ROBO1: variants seen among roughly 807,000 people sequenced by gnomAD.
The protein encoded by ROBO1 is roundabout homolog 1.
ROBO1 carries 149 observed loss-of-function variants against 195.9 expected under a neutral mutation model. The observed-to-expected ratio is 0.76, with a 90% CI of 0.67 to 0.87. The LOEUF is 0.87. Among genes scored for constraint, ROBO1 ranks in the 40% least tolerant of loss-of-function variants. The pLI, the probability that ROBO1 is intolerant of heterozygous loss-of-function variation, is 0.00. For missense variants in ROBO1, 1,933 were observed against 2,068.3 expected (o/e 0.93, Z 1.27); for synonymous variants, 816 against 733.2 (o/e 1.11, Z -1.82).
At chr3:79,202,485 G>A (rs577499116) in intron 2 of ROBO1, among the ~76,000 whole-genome samples, 39 of 151,584 alleles carry the variant, frequency 2.6e-4, no homozygotes, top group African/African-American at 9.0e-4. Context: ...ATTCATCAGC[G>A]ATCGTGAACA....
At chr3:79,766,316 CTT>C (rs1315423800) in intron 1 of ROBO1, among the ~76,000 whole-genome samples, 1 of 151,560 alleles carries the variant, frequency 6.6e-6, no homozygotes, top group Non-Finnish European at 1.5e-5. Flanking sequence ...CCTTCGTGTC[CTT>C]TTTTCTTGGG....
chr3:79,530,221 C>T (rs972072659), intron 2 of ROBO1, among the ~76,000 whole-genome samples: 51 of 152,134 alleles, frequency 3.4e-4, no homozygotes, highest in Admixed American at 1.3e-3. Context: ...TCTGCCAAAG[C>T]GCTCATAACA....
chr3:78,680,001 A>G (rs1471642337), intron 10 of ROBO1, among the ~76,000 whole-genome samples: 1 of 152,230 alleles, frequency 6.6e-6, no homozygotes, highest in Non-Finnish European at 1.5e-5. Context: ...TCAATGGAAC[A>G]GAACACAAGC....
chr3:78,759,267 GA>G (rs1247085470), intron 4 of ROBO1: 1 of 152,224 alleles, frequency 6.6e-6, no homozygotes, highest in Non-Finnish European at 1.5e-5. Context: ...TCTCACAGGG[GA>G]AAACATGTAA....
chr3:79,662,936 T>A (rs1946373122), intron 1 of ROBO1, among the ~76,000 whole-genome samples: 1 of 151,818 alleles, frequency 6.6e-6, no homozygotes, highest in Non-Finnish European at 1.5e-5. Flanking sequence ...AAAGAAAAAA[T>A]ATATAAAATA....
intron 2 of ROBO1, among the ~76,000 whole-genome samples, chr3:79,574,306 A>T (rs1012466657): frequency 1.3e-5 from 2 of 151,800 alleles, no homozygotes; most frequent in African/African-American, 4.8e-5. Flanking sequence ...CATACATTCT[A>T]CTTGTCCACA....
chr3:78,781,200 G>C (rs1019666895), intron 4 of ROBO1, among the ~76,000 whole-genome samples: 6 of 152,060 alleles, frequency 3.9e-5, no homozygotes, highest in Non-Finnish European at 8.8e-5. Flanking sequence ...GAACACCCTA[G>C]AGTCAATCTG....
intron 2 of ROBO1, among the ~76,000 whole-genome samples, chr3:79,195,093 G>A (rs558625996): frequency 1.3e-5 from 2 of 151,486 alleles, no homozygotes; most frequent in African/African-American, 2.4e-5. Context: ...ATGACTTCAG[G>A]TGGCTTTGGG....
Position 79,503,648 on chromosome 3 carries a change from A to C in ROBO1, c.88+86176T>G, listed in dbSNP as rs1940235871. On this transcript the variant is annotated intron_variant, in intron 2 of 30. Coordinates refer to ENST00000464233, the MANE Select transcript of ROBO1 (RefSeq NM_002941.4). ...CGAAGGAGCAAGATGATATAGGAAG[A>C]TGAAGAAATAAATGAAAAAGCAGCA... is the stretch of plus-strand genomic sequence containing the variant. 2.0e-5 allele frequency among the ~76,000 whole-genome samples: 3 copies of C among 152,198 alleles called. No individual in the cohort carries two copies. In the South Asian group the frequency reaches 6.2e-4, roughly 32 times the overall value.
At chr3:79,146,416 A>G (rs893224073) in intron 2 of ROBO1, among the ~76,000 whole-genome samples, 1 of 152,044 alleles carries the variant, frequency 6.6e-6, no homozygotes, top group Non-Finnish European at 1.5e-5. Context: ...TGTGAACATA[A>G]CTGCAGAAAA....
intron 2 of ROBO1, among the ~76,000 whole-genome samples, chr3:79,488,413 C>T (rs548992819): frequency 6.6e-6 from 1 of 152,010 alleles, no homozygotes; most frequent in South Asian, 2.1e-4. Context: ...AACTTTGGAC[C>T]AAATTGTGCA....
At chr3:79,635,449 A>T (rs901652098) in intron 1 of ROBO1, among the ~76,000 whole-genome samples, 1 of 152,166 alleles carries the variant, frequency 6.6e-6, no homozygotes, top group Non-Finnish European at 1.5e-5. Flanking sequence ...AAAATAAGTA[A>T]ATTATATTTT....
At chr3:78,782,834 A>G (rs1383961815) in intron 4 of ROBO1, among the ~76,000 whole-genome samples, 1 of 152,196 alleles carries the variant, frequency 6.6e-6, no homozygotes, top group African/African-American at 2.4e-5. Context: ...TGAGATGCTC[A>G]AGGACTAAAT....
chr3:79,155,226 A>G (rs542688614), intron 2 of ROBO1, among the ~76,000 whole-genome samples: 6 of 151,798 alleles, frequency 4.0e-5, no homozygotes, highest in African/African-American at 9.6e-5. Context: ...TTGCTTGCTA[A>G]GTCATATTCT....
At chr3:79,019,315 C>G in intron 3 of ROBO1, 1 of 985,820 alleles carries the variant, frequency 1.0e-6, no homozygotes, top group Non-Finnish European at 1.2e-6. Context: ...AGAGGCAGCT[C>G]CCGGCTCTCC....
At chr3:79,195,818 T>C (rs918692776) in intron 2 of ROBO1, among the ~76,000 whole-genome samples, 2 of 151,488 alleles carry the variant, frequency 1.3e-5, no homozygotes, top group African/African-American at 4.8e-5. Context: ...CTAATGTCTC[T>C]TTTTAAATAA....
intron 3 of ROBO1, among the ~76,000 whole-genome samples, chr3:79,107,127 T>TCTCTCA (rs1370578718): frequency 9.5e-4 from 129 of 136,450 alleles, no homozygotes; most frequent in Middle Eastern, 3.7e-3. Flanking sequence ...TCTCTCTCTC[T>TCTCTCA]CACACACACA....
chr3:78,784,007 G>T (rs1239674069), intron 4 of ROBO1, among the ~76,000 whole-genome samples: 1 of 152,000 alleles, frequency 6.6e-6, no homozygotes, highest in African/African-American at 2.4e-5. Context: ...AGCATCTAAG[G>T]TAAAAGTGAT....
At chr3:79,017,080 C>T (rs1305305032) in intron 3 of ROBO1, among the ~76,000 whole-genome samples, 1 of 152,110 alleles carries the variant, frequency 6.6e-6, no homozygotes, top group Non-Finnish European at 1.5e-5. Context: ...TGAGATATAC[C>T]AGGTTGAAAC....
Sources: gnomAD v4.1 joint callset for allele counts (sites outside exome capture counted in the v4.1 genomes callset) on GRCh38, gnomAD v4.1.1 for gene constraint, MANE v1.5 for transcripts, NCBI Gene and HGNC (gene_info 2026-07-23, HGNC 2026-07-21) for gene names.